Variants in ZFHX4 observed in about 807,000 individuals in gnomAD.
ZFHX4 encodes zinc finger homeobox 4.
A neutral mutation model predicts 267.6 loss-of-function variants in ZFHX4; 56 were observed. The observed-to-expected ratio is 0.21, with a 90% CI of 0.17 to 0.26. The LOEUF (loss-of-function observed/expected upper bound fraction) is 0.26, where lower values mean the gene tolerates loss of function less well. Ranked by LOEUF, ZFHX4 falls within the 10% of genes least tolerant of loss-of-function variation. The pLI is 1.00. For missense variants in ZFHX4, 4,332 were observed against 4,420.0 expected (o/e 0.98, Z 0.56); for synonymous variants, 1,778 against 1,665.6 (o/e 1.07, Z -1.64).
chr8:76,821,338 GT>G (rs975748004), intron 4 of ZFHX4, among the ~76,000 whole-genome samples: 3 of 152,060 alleles, frequency 2.0e-5, no homozygotes, highest in Non-Finnish European at 4.4e-5. Flanking sequence ...GACATCTCCA[GT>G]TTTTTCATCT....
chr8:76,746,932 G>A (rs1399127597), intron 3 of ZFHX4, among the ~76,000 whole-genome samples: 1 of 152,140 alleles, frequency 6.6e-6, no homozygotes, highest in Non-Finnish European at 1.5e-5. Flanking sequence ...CAAAGACTGT[G>A]TTGTGTTTAT....
chr8:76,864,769 C>T lies in ZFHX4; in HGVS notation c.*204C>T, dbSNP rs1812986862. The T allele has an allele frequency of 7.6e-6, 3 of 392,290 alleles. No homozygotes were observed. Among genetic ancestry groups the T allele is most frequent in the South Asian group, 8.4e-5 (1 of 11,950 alleles). The allele number at this position is 392,290 out of a possible 1,614,324, so 24.3% of individuals were successfully genotyped here. On this transcript the variant is annotated 3_prime_UTR_variant, in exon 11 of 11. Coordinates refer to ENST00000651372, the MANE Select transcript of ZFHX4 (RefSeq NM_024721.5). ...GAACTGATGCAGATGGTTGAATGCGCTTGTACTATATGCTAAAATATGGAA... is the reference window on the plus strand; with the variant it reads ...GAACTGATGCAGATGGTTGAATGCGTTTGTACTATATGCTAAAATATGGAA...
intron 4 of ZFHX4, among the ~76,000 whole-genome samples, chr8:76,810,972 C>T (rs1348249538): frequency 6.6e-6 from 1 of 152,144 alleles, no homozygotes; most frequent in African/African-American, 2.4e-5. Context: ...TGCTAAGAAG[C>T]TACTAGGCCA....
At chr8:76,824,621 A>C (rs897389528) in intron 4 of ZFHX4, among the ~76,000 whole-genome samples, 1 of 152,130 alleles carries the variant, frequency 6.6e-6, no homozygotes, top group Admixed American at 6.6e-5. Flanking sequence ...TCCTGAGACT[A>C]GAGTGCAGTA....
chr8:76,840,878 C>G (rs1812216535), intron 5 of ZFHX4, among the ~76,000 whole-genome samples: 1 of 152,226 alleles, frequency 6.6e-6, no homozygotes, highest in Non-Finnish European at 1.5e-5. Context: ...GGCCACCAGC[C>G]ACTTTACCTA....
At chr8:76,783,094 C>A (rs1296956626) in intron 4 of ZFHX4, among the ~76,000 whole-genome samples, 1 of 151,962 alleles carries the variant, frequency 6.6e-6, no homozygotes, top group East Asian at 1.9e-4. Flanking sequence ...ATCATGGTTG[C>A]AATTTTGTCA....
rs1812566645 is a variant in ZFHX4 at position 76,852,645 on chromosome 8, T to G, written c.5724T>G (p.Ala1908=). The change falls in exon 10 of 11, where the codon GCT becomes GCG. Residue 1908 remains alanine (A), a synonymous_variant. Transcript: ENST00000651372. ...PRIASGARGN[A]AKALLENFGF... ...TAGCTTCAGGGGCCAGAGGAAATGC[T>G]GCCAAAGCGTTATTGGAAAACTTTG... 1 of 1,613,364 alleles carries G rather than the reference T, an allele frequency of 6.2e-7. No individual in the cohort carries two copies. The highest frequency in any genetic ancestry group is 8.5e-7 in the Non-Finnish European group (1 of 1,179,624).
chr8:76,749,324 C>G (rs7817489), intron 3 of ZFHX4, among the ~76,000 whole-genome samples: 46,086 of 152,124 alleles, frequency 0.3, 10,106 homozygotes, highest in African/African-American at 0.61. Context: ...GACTTATCTT[C>G]CCTCATCGAC....
chr8:76,829,476 T>C (rs372449766), intron 4 of ZFHX4, among the ~76,000 whole-genome samples: 16 of 151,934 alleles, frequency 1.1e-4, no homozygotes, highest in African/African-American at 3.6e-4. Context: ...TAAAAGGTAG[T>C]GAGAGAGAGG....
rs1023154730 is a variant in ZFHX4, at chr8:76,867,045, G to A, written c.*2480G>A. ...AAACTAAACCAAAAATGTTATTGAT[G>A]TTTTATATATAGAGAGTAGTCTCAT... On this transcript the variant is annotated 3_prime_UTR_variant, in exon 11 of 11. Transcript: ENST00000651372. 1 of 152,544 alleles carries A rather than the reference G, an allele frequency of 6.6e-6. No individual in the cohort carries two copies. The highest frequency in any genetic ancestry group is 1.5e-5 in the Non-Finnish European group (1 of 68,026). The allele number at this position is 152,544 out of a possible 1,614,324, so 9.4% of individuals were successfully genotyped here. A position where few individuals can be genotyped will look rare whatever the true frequency, so the allele number is the denominator to read the frequency against.
intron 3 of ZFHX4, among the ~76,000 whole-genome samples, chr8:76,734,009 A>C (rs1429342377): frequency 6.6e-6 from 1 of 152,176 alleles, no homozygotes; most frequent in Non-Finnish European, 1.5e-5. Flanking sequence ...TGTTTAATAA[A>C]GTACATCGGG....
intron 4 of ZFHX4, among the ~76,000 whole-genome samples, chr8:76,822,881 T>C (rs1175192971): frequency 6.6e-6 from 1 of 152,176 alleles, no homozygotes; most frequent in Non-Finnish European, 1.5e-5. Context: ...CACAAGTCAT[T>C]GGTTAGTAAC....
intron 3 of ZFHX4, among the ~76,000 whole-genome samples, chr8:76,735,168 T>A (rs1466577039): frequency 2.0e-5 from 3 of 152,144 alleles, no homozygotes; most frequent in Non-Finnish European, 1.5e-5. Flanking sequence ...TATTCTGCCA[T>A]TCCATTATGC....
chr8:76,841,813 A>G (rs907561959), intron 5 of ZFHX4, among the ~76,000 whole-genome samples: 6 of 152,186 alleles, frequency 3.9e-5, no homozygotes, highest in African/African-American at 1.4e-4. Flanking sequence ...CAGATTGCCA[A>G]AAATTCATTA....
intron 4 of ZFHX4, among the ~76,000 whole-genome samples, chr8:76,805,727 C>A (rs1811228318): frequency 6.6e-6 from 1 of 151,886 alleles, no homozygotes; most frequent in South Asian, 2.1e-4. Flanking sequence ...GAATGCACTT[C>A]TTCTACAAGA....
chr8:76,724,190 T>C (rs1453306473), intron 3 of ZFHX4, among the ~76,000 whole-genome samples: 1 of 152,038 alleles, frequency 6.6e-6, no homozygotes, highest in Non-Finnish European at 1.5e-5. Context: ...ATAGTGATAA[T>C]CAGTCAAATT....
chr8:76,752,132 C>A (rs1809629026), intron 3 of ZFHX4, among the ~76,000 whole-genome samples: 1 of 151,896 alleles, frequency 6.6e-6, no homozygotes, highest in Non-Finnish European at 1.5e-5. Context: ...CCCTGCAATC[C>A]TTTACGGGAC....
chr8:76,802,351 T>G (rs762380112), intron 4 of ZFHX4, among the ~76,000 whole-genome samples: 3 of 152,172 alleles, frequency 2.0e-5, no homozygotes, highest in Non-Finnish European at 4.4e-5. Flanking sequence ...ACAATCGTGT[T>G]TGGCTTGCTT....
In ZFHX4 at chr8:76,707,920, A is replaced by C. The variant is rs990934665; in HGVS notation, c.2965A>C (p.Lys989Gln). 2.5e-6 allele frequency: 4 copies of C among 1,614,036 alleles called. No individual in the cohort carries two copies. In the East Asian group the frequency reaches 8.9e-5, roughly 36 times the overall value. The change falls in exon 3 of 11, where the codon AAG (lysine) becomes CAG (glutamine). Residue 989 changes from lysine (K) to glutamine (Q), a missense_variant. Transcript: ENST00000651372. ...EGGKSNEWRL[K>Q]CIAIGNPVHL... The stretch of plus-strand genomic sequence containing the variant: ...GGGCAAAAGCAATGAGTGGAGGTTG[A>C]AGTGTATTGCCATTGGCAACCCTGT...
Sources: gnomAD v4.1 joint callset for allele counts (sites outside exome capture counted in the v4.1 genomes callset) on GRCh38, gnomAD v4.1.1 for gene constraint, MANE v1.5 for transcripts, NCBI Gene and HGNC (gene_info 2026-07-23, HGNC 2026-07-21) for gene names.